The following NSL1 variants were observed in gnomAD, a reference collection of about 807,000 sequenced individuals.
NSL1 encodes the protein kinetochore-associated protein NSL1 homolog.
In NSL1, 11 loss-of-function variants were observed where a neutral mutation model predicts 25.4. The observed-to-expected ratio is 0.43, with a 90% CI of 0.27 to 0.72. NSL1 has a LOEUF of 0.72. Ranked by LOEUF, NSL1 falls within the 30% of genes least tolerant of loss-of-function variation. The pLI is 0.19. For missense variants in NSL1, 330 were observed against 342.7 expected (o/e 0.96, Z 0.29); for synonymous variants, 118 against 120.6 (o/e 0.98, Z 0.14).
At chr1:212,764,843 CAAAAAAAAAAA>C (rs3086471) in intron 4 of NSL1, among the ~76,000 whole-genome samples, 17 of 38,876 alleles carry the variant, frequency 4.4e-4, no homozygotes, top group Middle Eastern at 0.036. Flanking sequence ...AAGACTGTCT[CAAAAAAAAAAA>C]AAAAAAAAAA....
intron 4 of NSL1, among the ~76,000 whole-genome samples, chr1:212,769,559 A>G (rs983077428): frequency 6.6e-6 from 1 of 152,246 alleles, no homozygotes; most frequent in Non-Finnish European, 1.5e-5. Context: ...CTTCTCAGAC[A>G]AGTAAAAACT....
chr1:212,767,894 T>C (rs1659894801), intron 4 of NSL1, among the ~76,000 whole-genome samples: 1 of 152,194 alleles, frequency 6.6e-6, no homozygotes, highest in African/African-American at 2.4e-5. Context: ...CCTGCAAGAA[T>C]GGCCATAATT....
In NSL1 at chr1:212,730,455, C is replaced by A; in HGVS notation, c.*7953G>T. 8.1e-6 allele frequency: 8 copies of A among 985,196 alleles called. No individual in the cohort carries two copies. The highest frequency in any genetic ancestry group is 9.6e-6 in the Non-Finnish European group (8 of 829,918). The allele number at this position is 985,196 out of a possible 1,614,324, so 61.0% of individuals were successfully genotyped here. A position where few individuals can be genotyped will look rare whatever the true frequency, so the allele number is the denominator to read the frequency against. On this transcript the variant is annotated 3_prime_UTR_variant, in exon 6 of 6. Coordinates refer to ENST00000366977, the MANE Select transcript of NSL1 (RefSeq NM_015471.4). ...CTTAAAATCTGCAACTAGGTATGAG[C>A]CCAAAGGCACTGGAGCCATTCTCTG...
In NSL1 at chr1:212,791,748, C is replaced by T. The variant is rs767171778; in HGVS notation, c.16G>A (p.Glu6Lys). The T allele has an allele frequency of 3.1e-6, 5 of 1,606,612 alleles. No homozygotes were observed. The highest frequency in any genetic ancestry group is 2.6e-6 in the Non-Finnish European group (3 of 1,175,632). MAGSP[E>K]LVVLDPPWDK... The stretch of plus-strand genomic sequence containing the variant: ...CATGGAGGGTCAAGGACCACCAACT[C>T]AGGAGACCCCGCCATTTTTCGTCGG... The change falls in exon 1 of 6, where the codon GAG (glutamate) becomes AAG (lysine). Residue 6 changes from glutamate to lysine, a missense_variant. Transcript: ENST00000366977.
intron 4 of NSL1, among the ~76,000 whole-genome samples, chr1:212,757,845 A>G (rs1659385881): frequency 6.6e-6 from 1 of 152,358 alleles, no homozygotes; most frequent in African/African-American, 2.4e-5. Context: ...GAAAGCTATT[A>G]TAGTGGTCCT....
At position 212,730,736 on chromosome 1, in the gene NSL1, G is replaced by T; in HGVS notation, c.*7672C>A. 1 of 985,378 alleles carries T rather than the reference G, an allele frequency of 1.0e-6. No individual in the cohort carries two copies. Among genetic ancestry groups the T allele is most frequent in the Non-Finnish European group, 1.2e-6 (1 of 829,908 alleles). The allele number at this position is 985,378 out of a possible 1,614,324, so 61.0% of individuals were successfully genotyped here. ...TGCAGGGATATGGGAATTAGACTTA[G>T]TTCTAGTAGACGTAGTTCTAGTAGA... is the stretch of plus-strand genomic sequence containing the variant. On this transcript the variant is annotated 3_prime_UTR_variant, in exon 6 of 6. Coordinates refer to ENST00000366977, the MANE Select transcript of NSL1 (RefSeq NM_015471.4).
chr1:212,766,616 G>C (rs1488789893), intron 4 of NSL1, among the ~76,000 whole-genome samples: 3 of 148,878 alleles, frequency 2.0e-5, no homozygotes, highest in African/African-American at 7.5e-5. Flanking sequence ...CTGCACTCCA[G>C]CCTGGGGTGA....
At position 212,735,442 on chromosome 1, in the gene NSL1, A is replaced by G. The variant is rs1658194897; in HGVS notation, c.*2966T>C. The stretch of plus-strand genomic sequence containing the variant: ...AAAGTACATCTTACAAGATGAAATC[A>G]TACTGTTTGAAGCAATAAAAAATTT... On this transcript the variant is annotated 3_prime_UTR_variant, in exon 6 of 6. Coordinates refer to ENST00000366977, the MANE Select transcript of NSL1 (RefSeq NM_015471.4). The G allele has an allele frequency of 2.0e-6, 2 of 985,334 alleles. No homozygotes were observed. Among genetic ancestry groups the G allele is most frequent in the Non-Finnish European group, 2.4e-6 (2 of 829,940 alleles). 61.0% of individuals were successfully genotyped at this position (985,334 alleles called of 1,614,324 possible).
At chr1:212,775,630 C>G (rs1167923780) in intron 4 of NSL1, among the ~76,000 whole-genome samples, 1 of 150,848 alleles carries the variant, frequency 6.6e-6, no homozygotes, top group East Asian at 1.9e-4. Context: ...AACTCAATAC[C>G]AAGGATGAAA....
rs1412223377 is a variant in NSL1 at position 212,738,424 on chromosome 1, A to G, written c.830T>C (p.Ile277Thr). ...RKWYPLRPKK[I>T]NLDT Reference sequence around the variant, plus strand: ...AGAAAGAGCTCATGTATCAAGATTAATTTTCTTTGGCCGCAATGGATACCA... The same window carrying G: ...AGAAAGAGCTCATGTATCAAGATTAGTTTTCTTTGGCCGCAATGGATACCA... The change falls in exon 6 of 6, where the codon ATT becomes ACT. Residue 277 changes from isoleucine (I) to threonine (T), a missense_variant. Transcript: ENST00000366977. The G allele has an allele frequency of 1.9e-6, 3 of 1,611,134 alleles. No homozygotes were observed. Among genetic ancestry groups the G allele is most frequent in the South Asian group, 1.1e-5 (1 of 90,688 alleles).
intron 3 of NSL1, 60 bp from the exon 4 acceptor site, chr1:212,782,486 T>C: frequency 8.6e-7 from 1 of 1,157,240 alleles, no homozygotes; most frequent in Non-Finnish European, 1.3e-6. Context: ...AAACATCTCT[T>C]TCAGCTAATA....
intron 4 of NSL1, among the ~76,000 whole-genome samples, chr1:212,757,117 T>C (rs974450378): frequency 6.6e-6 from 1 of 151,848 alleles, no homozygotes; most frequent in East Asian, 1.9e-4. Flanking sequence ...ATACAGGGAG[T>C]TGCGAGTATG....
chr1:212,760,762 G>T lies in NSL1; in HGVS notation c.500-21161C>A, dbSNP rs559126539. On this transcript the variant is annotated intron_variant, in intron 4 of 5. Coordinates refer to ENST00000366977, the MANE Select transcript of NSL1 (RefSeq NM_015471.4). The surrounding 1 kb of genome is among the most constrained non-coding windows in gnomAD (Gnocchi z 4.3). ...CCCATTGCTGTCACTGCTGGTACCT[G>T]AGCAAGCCACCTGGAGGCCCAAGAA... is the stretch of plus-strand genomic sequence containing the variant. Among the ~76,000 whole-genome samples the T allele has an allele frequency of 6.6e-6, 1 of 152,284 alleles. No homozygotes were observed. Among genetic ancestry groups the T allele is most frequent in the South Asian group, 2.1e-4 (1 of 4,822 alleles).
At position 212,737,525 on chromosome 1, in the gene NSL1, A is replaced by C. The variant is rs952869346; in HGVS notation, c.*883T>G. 2.0e-6 allele frequency: 2 copies of C among 981,492 alleles called. No homozygotes were observed. The highest frequency in any genetic ancestry group is 3.5e-5 in the African/African-American group (2 of 57,192). 60.8% of individuals were successfully genotyped at this position (981,492 alleles called of 1,614,324 possible). A position where few individuals can be genotyped will look rare whatever the true frequency, so the allele number is the denominator to read the frequency against. On this transcript the variant is annotated 3_prime_UTR_variant, in exon 6 of 6. Coordinates refer to ENST00000366977, the MANE Select transcript of NSL1 (RefSeq NM_015471.4). ...ATAGTTAAATGTTAGAAGTAAAGCC[A>C]ATATCGTTTTCTCAGACTTCTCCCA...
intron 4 of NSL1, among the ~76,000 whole-genome samples, chr1:212,779,079 C>T (rs1660536779): frequency 6.6e-6 from 1 of 151,200 alleles, no homozygotes; most frequent in South Asian, 2.1e-4. Flanking sequence ...TGAGGAGCGT[C>T]TCTGCCCGGC....
intron 4 of NSL1, among the ~76,000 whole-genome samples, chr1:212,765,896 G>T (rs945443614): frequency 1.3e-5 from 2 of 152,024 alleles, no homozygotes; most frequent in African/African-American, 4.8e-5. Context: ...CAGCACTTTG[G>T]GAGGCCAAGG....
At chr1:212,742,774 G>A (rs983822418) in intron 4 of NSL1, among the ~76,000 whole-genome samples, 1 of 152,026 alleles carries the variant, frequency 6.6e-6, no homozygotes, top group Non-Finnish European at 1.5e-5. Flanking sequence ...ACTATAATTA[G>A]AATACTTTAA....
At chr1:212,757,856 A>C (rs1302167680) in intron 4 of NSL1, among the ~76,000 whole-genome samples, 1 of 152,200 alleles carries the variant, frequency 6.6e-6, no homozygotes, top group Non-Finnish European at 1.5e-5. Flanking sequence ...TAGTGGTCCT[A>C]AGCGAATATG....
chr1:212,733,602 G>C lies in NSL1; in HGVS notation c.*4806C>G, dbSNP rs1268848088. Among the ~76,000 whole-genome samples, 1 of 152,120 alleles carries C rather than the reference G, an allele frequency of 6.6e-6. No individual in the cohort carries two copies. Among genetic ancestry groups the C allele is most frequent in the Non-Finnish European group, 1.5e-5 (1 of 68,020 alleles). Reference sequence around the variant, plus strand: ...AGTCTACAAAATTCAGCAGTCTTTTGTGAGAGGCTTCTTTCACTTGGCATG... The same window carrying C: ...AGTCTACAAAATTCAGCAGTCTTTTCTGAGAGGCTTCTTTCACTTGGCATG... On this transcript the variant is annotated 3_prime_UTR_variant, in exon 6 of 6. Coordinates refer to ENST00000366977, the MANE Select transcript of NSL1 (RefSeq NM_015471.4).
Sources: gnomAD v4.1 joint callset for allele counts (sites outside exome capture counted in the v4.1 genomes callset) on GRCh38, gnomAD v4.1.1 for gene constraint, Gnocchi (gnomAD v3.1) non-coding constraint, MANE v1.5 for transcripts, NCBI Gene and HGNC (gene_info 2026-07-23, HGNC 2026-07-21) for gene names.